The following HCN1 variants were observed in gnomAD, a reference collection of about 807,000 sequenced individuals.
The protein encoded by HCN1 is hyperpolarization activated cyclic nucleotide gated potassium channel 1.
Under a neutral mutation model 78.9 loss-of-function variants are expected in HCN1, and 13 were observed. The observed-to-expected ratio is 0.16, with a 90% CI of 0.11 to 0.26. The LOEUF is 0.26. Among genes scored for constraint, HCN1 ranks in the 10% least tolerant of loss-of-function variants. The pLI, the probability that HCN1 is intolerant of heterozygous loss-of-function variation, is 1.00. For synonymous variants in HCN1, 552 were observed against 455.5 expected, an observed-to-expected ratio of 1.21 and a Z score of -2.70; for missense variants, 810 against 1,154.3, an observed-to-expected ratio of 0.70 and a Z score of 4.32.
At chr5:45,439,073 T>A (rs1485909234) in intron 3 of HCN1, among the ~76,000 whole-genome samples, 1 of 152,144 alleles carries the variant, frequency 6.6e-6, no homozygotes, top group African/African-American at 2.4e-5. Flanking sequence ...CAAAAATATA[T>A]TCCAAGGGAT....
intron 2 of HCN1, among the ~76,000 whole-genome samples, chr5:45,582,794 T>C (rs951987182): frequency 2.0e-5 from 3 of 152,176 alleles, no homozygotes; most frequent in Non-Finnish European, 4.4e-5. Context: ...GTTTTTGTCT[T>C]TGGTTCTGTT....
intron 4 of HCN1, among the ~76,000 whole-genome samples, chr5:45,376,158 T>C (rs1447814472): frequency 2.6e-5 from 1 of 38,702 alleles, no homozygotes; most frequent in Non-Finnish European, 4.8e-5. Flanking sequence ...TATAATATAA[T>C]ATTTTATAAT....
At chr5:45,405,762 TAAC>T in intron 3 of HCN1, among the ~76,000 whole-genome samples, 1 of 152,178 alleles carries the variant, frequency 6.6e-6, no homozygotes, top group East Asian at 1.9e-4. Context: ...GTACCTCTGA[TAAC>T]AACCTTTTGC....
chr5:45,364,584 A>G (rs948557212), intron 4 of HCN1, among the ~76,000 whole-genome samples: 1 of 152,064 alleles, frequency 6.6e-6, no homozygotes, highest in Non-Finnish European at 1.5e-5. Context: ...TTCTCTATCC[A>G]ACCTGCAGCC....
chr5:45,605,803 A>G (rs1026327816), intron 2 of HCN1, among the ~76,000 whole-genome samples: 1 of 152,006 alleles, frequency 6.6e-6, no homozygotes, highest in Non-Finnish European at 1.5e-5. Flanking sequence ...AATATTGTTT[A>G]AAAATGATTA....
chr5:45,464,871 T>C (rs993125694), intron 2 of HCN1, among the ~76,000 whole-genome samples: 2 of 152,138 alleles, frequency 1.3e-5, no homozygotes, highest in African/African-American at 2.4e-5. Context: ...CACACATCTG[T>C]AGATAGTCAG....
chr5:45,620,501 G>A (rs955505070), intron 2 of HCN1, among the ~76,000 whole-genome samples: 1 of 151,504 alleles, frequency 6.6e-6, no homozygotes, highest in African/African-American at 2.4e-5. Context: ...TTTCTGACTA[G>A]TATCAGAAGA....
intron 6 of HCN1, among the ~76,000 whole-genome samples, chr5:45,296,899 G>A (rs1745506424): frequency 1.3e-5 from 2 of 151,968 alleles, no homozygotes; most frequent in Admixed American, 6.6e-5. Context: ...CACATAATGA[G>A]AACTATCTAA....
chr5:45,568,938 A>G (rs907275535), intron 2 of HCN1, among the ~76,000 whole-genome samples: 3 of 152,064 alleles, frequency 2.0e-5, no homozygotes, highest in Admixed American at 6.6e-5. Context: ...AGGCTCAGAA[A>G]CCGAAATTCC....
chr5:45,334,454 G>C (rs1170169453), intron 5 of HCN1, among the ~76,000 whole-genome samples: 1 of 151,702 alleles, frequency 6.6e-6, no homozygotes, highest in African/African-American at 2.4e-5. Context: ...AGTAGGTACA[G>C]TCTTCTTTTC....
chr5:45,688,081 C>T (rs934408214), intron 1 of HCN1, among the ~76,000 whole-genome samples: 3 of 152,090 alleles, frequency 2.0e-5, no homozygotes, highest in Non-Finnish European at 4.4e-5. Context: ...AATAATTTGT[C>T]CATTAACTTC....
chr5:45,281,224 TG>T (rs1380386199), intron 6 of HCN1, among the ~76,000 whole-genome samples: 1 of 152,030 alleles, frequency 6.6e-6, no homozygotes, highest in African/African-American at 2.4e-5. Flanking sequence ...AATTGGATCA[TG>T]GGGGTGGATT....
rs148020736 is a variant in HCN1, at chr5:45,416,470, C to T, written c.1012-19760G>A. Among the ~76,000 whole-genome samples, 41 of 152,068 alleles carry T rather than the reference C, an allele frequency of 2.7e-4. 1 individual carries two copies. The highest frequency in any genetic ancestry group is 1.3e-4 in the Non-Finnish European group (9 of 67,896). ...ATATACAACCTGACAAGCTACACAG[C>T]AGAAATTGCTTTTGGTTTCCTTAGA... On this transcript the variant is annotated intron_variant, in intron 3 of 7. Transcript: ENST00000303230.
intron 4 of HCN1, among the ~76,000 whole-genome samples, chr5:45,353,709 G>A (rs1402981204): frequency 1.3e-5 from 2 of 151,882 alleles, no homozygotes; most frequent in South Asian, 2.1e-4. Flanking sequence ...ATTTGGAATC[G>A]ACAGGCAGGG....
intron 1 of HCN1, among the ~76,000 whole-genome samples, chr5:45,676,330 A>T (rs933152461): frequency 2.0e-5 from 3 of 151,796 alleles, no homozygotes; most frequent in African/African-American, 7.2e-5. Flanking sequence ...ATACACACAT[A>T]TATGCATAAG....
rs557960539 is a variant in HCN1, at chr5:45,258,363, A to G, written c.*3558T>C. On this transcript the variant is annotated 3_prime_UTR_variant, in exon 8 of 8. Coordinates refer to ENST00000303230, the MANE Select transcript of HCN1 (RefSeq NM_021072.4). ...CTATGTACTTTGTAGTGTCCTGAAA[A>G]TAGTATGCTCAGTTAAGTTTATAAA... 1 of 152,282 alleles carries G rather than the reference A, an allele frequency of 6.6e-6. No homozygotes were observed. The highest frequency in any genetic ancestry group is 2.4e-5 in the African/African-American group (1 of 41,582). 9.4% of individuals were successfully genotyped at this position (152,282 alleles called of 1,614,324 possible).
At chr5:45,269,091 C>A (rs552728634) in intron 6 of HCN1, among the ~76,000 whole-genome samples, 3 of 152,262 alleles carry the variant, frequency 2.0e-5, no homozygotes, top group Admixed American at 1.3e-4. Flanking sequence ...GTAAAATATT[C>A]AGAAAATACA....
intron 1 of HCN1, among the ~76,000 whole-genome samples, chr5:45,660,460 C>A (rs896130901): frequency 5.6e-5 from 8 of 142,274 alleles, no homozygotes; most frequent in African/African-American, 2.2e-4. Context: ...ACAATATTAA[C>A]TTTAAATATA....
At chr5:45,336,030 C>T (rs971999747) in intron 5 of HCN1, among the ~76,000 whole-genome samples, 2 of 151,902 alleles carry the variant, frequency 1.3e-5, no homozygotes, top group East Asian at 1.9e-4. Flanking sequence ...CAGAAAATCA[C>T]AAAAAGGATT....
Sources: gnomAD v4.1 joint callset for allele counts (sites outside exome capture counted in the v4.1 genomes callset) on GRCh38, gnomAD v4.1.1 for gene constraint, MANE v1.5 for transcripts, NCBI Gene and HGNC (gene_info 2026-07-23, HGNC 2026-07-21) for gene names.